Variants in TBC1D22A observed in about 807,000 individuals in gnomAD.
TBC1D22A encodes the protein TBC1 domain family member 22A, also known as putative GTPase activator.
TBC1D22A carries 38 observed loss-of-function variants against 60.2 expected under a neutral mutation model. The ratio of observed to expected loss-of-function variants is 0.63; its 90% CI spans 0.49 to 0.83. TBC1D22A has a LOEUF of 0.83. TBC1D22A is among the 40% of genes least tolerant of loss of function. The pLI is 0.00. For missense variants in TBC1D22A, 628 were observed against 701.0 expected (o/e 0.90, Z 1.18); for synonymous variants, 302 against 281.7 (o/e 1.07, Z -0.72).
At chr22:46,768,911 T>C (rs2083389260) in intron 1 of TBC1D22A, among the ~76,000 whole-genome samples, 1 of 151,852 alleles carries the variant, frequency 6.6e-6, no homozygotes, top group Admixed American at 6.6e-5. Context: ...CTGACCAACA[T>C]GGTGAAACCC....
At chr22:46,911,547 C>T (rs1035190267) in intron 7 of TBC1D22A, among the ~76,000 whole-genome samples, 5 of 152,172 alleles carry the variant, frequency 3.3e-5, no homozygotes, top group Non-Finnish European at 5.9e-5. Flanking sequence ...AGCTCAGGGA[C>T]GGACTGAGCC....
intron 1 of TBC1D22A, among the ~76,000 whole-genome samples, chr22:46,784,389 T>C (rs1569026940): frequency 6.6e-6 from 1 of 152,224 alleles, no homozygotes; most frequent in Non-Finnish European, 1.5e-5. Flanking sequence ...AAGACAGATT[T>C]CATTATCTGA....
chr22:47,146,176 G>A (rs752132237), intron 12 of TBC1D22A, among the ~76,000 whole-genome samples: 141 of 151,266 alleles, frequency 9.3e-4, no homozygotes, highest in Non-Finnish European at 1.6e-3. Context: ...GGGCCGCGGC[G>A]CGGGGACGCA....
At chr22:46,809,234 A>G (rs2085281778) in intron 4 of TBC1D22A, among the ~76,000 whole-genome samples, 1 of 152,016 alleles carries the variant, frequency 6.6e-6, no homozygotes, top group South Asian at 2.1e-4. Context: ...GTCACATGGC[A>G]TTTCTTCTGT....
chr22:46,881,479 T>C (rs987883339), intron 5 of TBC1D22A, among the ~76,000 whole-genome samples: 1 of 152,212 alleles, frequency 6.6e-6, no homozygotes, highest in Admixed American at 6.5e-5. Context: ...CCCAGTGCAC[T>C]GCTGCCCTGT....
intron 7 of TBC1D22A, among the ~76,000 whole-genome samples, chr22:46,900,089 A>T (rs1331502614): frequency 1.3e-5 from 2 of 150,444 alleles, no homozygotes; most frequent in African/African-American, 4.9e-5. Flanking sequence ...GGTCAGCTTT[A>T]TCGAGGTCTA....
intron 8 of TBC1D22A, among the ~76,000 whole-genome samples, chr22:46,933,627 G>A (rs756881799): frequency 9.2e-5 from 14 of 151,962 alleles, no homozygotes; most frequent in Non-Finnish European, 2.1e-4. Context: ...GAGACCACTG[G>A]GGGGGGGTTG....
chr22:47,171,309 C>A (rs770311744), intron 12 of TBC1D22A, among the ~76,000 whole-genome samples: 20 of 152,336 alleles, frequency 1.3e-4, no homozygotes, highest in Non-Finnish European at 2.8e-4. Flanking sequence ...TCCCTTGTCA[C>A]CTGCTAGGAG....
chr22:47,114,931 C>T (rs957196420), intron 12 of TBC1D22A, among the ~76,000 whole-genome samples: 2 of 152,052 alleles, frequency 1.3e-5, no homozygotes, highest in African/African-American at 2.4e-5. Flanking sequence ...TGTCCTAGGT[C>T]CCCTTGGCCT....
intron 4 of TBC1D22A, among the ~76,000 whole-genome samples, chr22:46,834,321 A>G (rs2086430301): frequency 1.3e-5 from 2 of 152,190 alleles, no homozygotes; most frequent in Non-Finnish European, 2.9e-5. Flanking sequence ...CCCACAGGTG[A>G]GAGTACCCCT....
chr22:46,787,439 G>A (rs1408050117), intron 1 of TBC1D22A, among the ~76,000 whole-genome samples: 1 of 152,126 alleles, frequency 6.6e-6, no homozygotes, highest in Non-Finnish European at 1.5e-5. Context: ...CTTCACCAGA[G>A]TAGCTCTGCC....
chr22:46,894,915 A>G, intron 7 of TBC1D22A, 69 bp downstream of exon 7: 2 of 1,565,296 alleles, frequency 1.3e-6, no homozygotes, highest in Non-Finnish European at 1.8e-6. Flanking sequence ...CTAACCAGAC[A>G]GTGGGCGCAG....
chr22:46,795,813 C>T (rs150422533), intron 3 of TBC1D22A, among the ~76,000 whole-genome samples: 3 of 152,314 alleles, frequency 2.0e-5, no homozygotes, highest in African/African-American at 7.2e-5. Flanking sequence ...CCACATCAGT[C>T]ATTTCTGAAG....
At chr22:46,946,669 G>T (rs558081908) in intron 8 of TBC1D22A, among the ~76,000 whole-genome samples, 1 of 152,302 alleles carries the variant, frequency 6.6e-6, no homozygotes, top group Admixed American at 6.5e-5. Context: ...AGTTTCCCAG[G>T]CAGTTTTCAT....
intron 12 of TBC1D22A, among the ~76,000 whole-genome samples, chr22:47,122,082 C>T (rs1238592680): frequency 6.6e-6 from 1 of 152,230 alleles, no homozygotes; most frequent in Non-Finnish European, 1.5e-5. Context: ...GAGGCGTGCC[C>T]TGCTCGTCTG....
chr22:47,067,371 G>C (rs1279433447), intron 11 of TBC1D22A, among the ~76,000 whole-genome samples: 2 of 152,212 alleles, frequency 1.3e-5, no homozygotes, highest in Non-Finnish European at 2.9e-5. Context: ...ATTGTTTATA[G>C]TTTAATAAAT....
At chr22:46,904,814 A>T (rs1417006742) in intron 7 of TBC1D22A, among the ~76,000 whole-genome samples, 4 of 133,440 alleles carry the variant, frequency 3.0e-5, no homozygotes, top group African/African-American at 1.2e-4. Context: ...TTAGTCTGTC[A>T]CCCAGGCTGG....
chr22:46,839,283 A>T (rs1054008199), intron 4 of TBC1D22A, among the ~76,000 whole-genome samples: 5 of 152,044 alleles, frequency 3.3e-5, no homozygotes, highest in African/African-American at 1.2e-4. Context: ...GTGTGAATGT[A>T]ACCAAGGCGG....
At chr22:46,884,195 G>T (rs1226142510) in intron 5 of TBC1D22A, among the ~76,000 whole-genome samples, 1 of 152,148 alleles carries the variant, frequency 6.6e-6, no homozygotes, top group African/African-American at 2.4e-5. Flanking sequence ...AAAGGGCTGG[G>T]ATCAGCTTGG....
Sources: allele counts gnomAD v4.1 joint callset (sites outside exome capture counted in the v4.1 genomes callset), GRCh38; gene constraint gnomAD v4.1.1; transcripts MANE v1.5; gene names NCBI Gene and HGNC (gene_info 2026-07-23, HGNC 2026-07-21).